Variants in RFX8 observed in about 807,000 individuals in gnomAD.
The protein encoded by RFX8 is DNA-binding protein RFX8.
Under a neutral mutation model 54.6 loss-of-function variants are expected in RFX8, and 46 were observed. The ratio of observed to expected loss-of-function variants is 0.84; its 90% CI spans 0.67 to 1.08. RFX8 has a LOEUF of 1.08. Ranked by LOEUF, RFX8 falls within the 50% of genes least tolerant of loss-of-function variation. The pLI is 0.00. For missense variants in RFX8, 536 were observed against 562.3 expected, an observed-to-expected ratio of 0.95 and a Z score of 0.47; for synonymous variants, 192 against 209.5, an observed-to-expected ratio of 0.92 and a Z score of 0.72.
chr2:101,397,566 T>C lies in RFX8; in HGVS notation c.1404A>G (p.Glu468=), dbSNP rs1186958487. The C allele has an allele frequency of 6.5e-7, 1 of 1,545,786 alleles. No individual in the cohort carries two copies. The highest frequency in any genetic ancestry group is 2.0e-5 in the Admixed American group (1 of 50,172). The change falls in exon 12 of 12, where the codon GAA becomes GAG. Residue 468 remains glutamate (E), a synonymous_variant. Coordinates refer to ENST00000428343, the MANE Select transcript of RFX8 (RefSeq NM_001145664.2). ...AATAATCTCACACATTAGCATTGTT[T>C]TCTCTGAAATAAATATCTTCAGAGC... is the stretch of plus-strand genomic sequence containing the variant. ...PQSSEDIYFR[E]NNANV is the part of the protein sequence containing the mutation.
chr2:101,437,026 C>A (rs1687817234), intron 2 of RFX8, among the ~76,000 whole-genome samples: 2 of 152,168 alleles, frequency 1.3e-5, no homozygotes, highest in African/African-American at 4.8e-5. Flanking sequence ...CAGGAAAGGG[C>A]TGTGGGATAC....
At chr2:101,472,502 AC>A (rs966457845) in intron 1 of RFX8, among the ~76,000 whole-genome samples, 4 of 124,856 alleles carry the variant, frequency 3.2e-5, no homozygotes, top group Admixed American at 7.8e-5. Context: ...CATTGCCTCC[AC>A]CCCCCAACCT....
intron 4 of RFX8, among the ~76,000 whole-genome samples, chr2:101,419,806 G>A (rs973084626): frequency 2.0e-5 from 3 of 152,188 alleles, no homozygotes; most frequent in Admixed American, 1.3e-4. Context: ...ATTCATTCTA[G>A]AGAGGACTTC....
intron 4 of RFX8, among the ~76,000 whole-genome samples, chr2:101,419,446 G>A (rs771389311): frequency 3.9e-5 from 6 of 151,986 alleles, no homozygotes; most frequent in Non-Finnish European, 7.4e-5. Context: ...AGACTGGCGT[G>A]GTTCTACACA....
At chr2:101,418,734 T>C in intron 5 of RFX8, 117 bp downstream of exon 5, 1 of 710,090 alleles carries the variant, frequency 1.4e-6, no homozygotes, top group Non-Finnish European at 2.6e-6. Context: ...TACACCCCAC[T>C]ATTCACTCCT....
intron 2 of RFX8, among the ~76,000 whole-genome samples, chr2:101,451,250 C>A (rs1161664051): frequency 2.0e-5 from 3 of 152,194 alleles, no homozygotes; most frequent in Admixed American, 6.5e-5. Context: ...TGGTGAGTGG[C>A]AGCCCCCTTT....
chr2:101,418,929 CAG>C lies in RFX8; in HGVS notation c.271_272del (p.Leu91AlafsTer12). On this transcript the variant is annotated frameshift_variant, in exon 5 of 12. Transcript: ENST00000428343. LOFTEE classifies it high-confidence loss of function. The stretch of plus-strand genomic sequence containing the variant: ...ACATCAGCATGACTGTGTCTTGCTG[CAG>C]AGACTTCCAGAAGGAAGTAAGCAAG... ...EDLLTSFWKS[L>X]QQDTVMLMSL... is the part of the protein sequence containing the mutation. The C allele has an allele frequency of 6.4e-7, 1 of 1,550,802 alleles. No individual in the cohort carries two copies. The highest frequency in any genetic ancestry group is 8.7e-7 in the Non-Finnish European group (1 of 1,146,366).
chr2:101,448,789 T>G (rs1430885639), intron 2 of RFX8, among the ~76,000 whole-genome samples: 1 of 152,142 alleles, frequency 6.6e-6, no homozygotes, highest in Non-Finnish European at 1.5e-5. Context: ...CTAGAACACC[T>G]TTGAGAGTGA....
chr2:101,427,617 C>T (rs887303011), intron 2 of RFX8, among the ~76,000 whole-genome samples: 6 of 152,308 alleles, frequency 3.9e-5, no homozygotes, highest in African/African-American at 1.2e-4. Context: ...AAGTCACTGA[C>T]TTTGTGCTAA....
chr2:101,405,319 G>A (rs1012494363), intron 10 of RFX8, among the ~76,000 whole-genome samples: 1 of 151,980 alleles, frequency 6.6e-6, no homozygotes, highest in Non-Finnish European at 1.5e-5. Context: ...GCTAATTTTT[G>A]TATTTTTAGT....
rs555913658 is a variant in RFX8 at position 101,447,798 on chromosome 2, T to C, written c.72+18979A>G. On this transcript the variant is annotated intron_variant, in intron 2 of 11. Coordinates refer to ENST00000428343, the MANE Select transcript of RFX8 (RefSeq NM_001145664.2). The stretch of plus-strand genomic sequence containing the variant: ...TCTCTCCAGCCTCTGGTAACCACTA[T>C]TCTACTCTTGCCTCCACAAGATAAA... Among the ~76,000 whole-genome samples the C allele has an allele frequency of 2.8e-3, 430 of 152,322 alleles. 3 individuals are homozygous for C. The highest frequency in any genetic ancestry group is 9.7e-3 in the African/African-American group (405 of 41,584).
chr2:101,472,913 G>C (rs1690090263), intron 1 of RFX8, among the ~76,000 whole-genome samples: 1 of 152,048 alleles, frequency 6.6e-6, no homozygotes, highest in Non-Finnish European at 1.5e-5. Flanking sequence ...AGCTACTACG[G>C]AAGGATAAGG....
chr2:101,463,292 G>A (rs1689381430), intron 2 of RFX8, among the ~76,000 whole-genome samples: 1 of 152,242 alleles, frequency 6.6e-6, no homozygotes, highest in Admixed American at 6.5e-5. Flanking sequence ...GGACACATAA[G>A]GGGCTTTCCA....
intron 2 of RFX8, chr2:101,452,264 C>A: frequency 1.9e-6 from 1 of 530,674 alleles, no homozygotes. Flanking sequence ...GAATTGTGGA[C>A]ACTCTTTGGT....
chr2:101,455,906 T>C (rs1255207250), intron 2 of RFX8, among the ~76,000 whole-genome samples: 1 of 152,216 alleles, frequency 6.6e-6, no homozygotes, highest in Non-Finnish European at 1.5e-5. Context: ...CAGTGGTTTG[T>C]AGTTCTCCTT....
intron 8 of RFX8, among the ~76,000 whole-genome samples, chr2:101,411,239 TGGCCTTCCCA>T (rs1686104782): frequency 6.6e-6 from 1 of 152,228 alleles, no homozygotes; most frequent in African/African-American, 2.4e-5. Flanking sequence ...GAACAGCCTT[TGGCCTTCCCA>T]GCTTTTTGAG....
chr2:101,471,141 G>A (rs1218508704), intron 1 of RFX8, among the ~76,000 whole-genome samples: 1 of 151,832 alleles, frequency 6.6e-6, no homozygotes, highest in Non-Finnish European at 1.5e-5. Flanking sequence ...CAAGGCCAGC[G>A]TGGCTAACAT....
intron 3 of RFX8, 36 bp downstream of exon 3, chr2:101,422,326 C>T (rs764547507): frequency 1.8e-5 from 18 of 1,005,494 alleles, no homozygotes; most frequent in Middle Eastern, 2.0e-4. Flanking sequence ...CATCATACAG[C>T]GTGAAAGGCT....
chr2:101,474,081 G>C (rs1252753949), intron 1 of RFX8: 1 of 499,440 alleles, frequency 2.0e-6, no homozygotes, highest in African/African-American at 2.1e-5. Flanking sequence ...CGCTGGGCCT[G>C]GGGCCGCTCC....
Sources: gnomAD v4.1 joint callset for allele counts (sites outside exome capture counted in the v4.1 genomes callset) on GRCh38, gnomAD v4.1.1 for gene constraint, MANE v1.5 for transcripts, NCBI Gene and HGNC (gene_info 2026-07-23, HGNC 2026-07-21) for gene names.